Variants in LRRC4C observed in about 807,000 individuals in gnomAD.
LRRC4C encodes leucine-rich repeat-containing protein 4C.
LRRC4C carries 5 observed loss-of-function variants against 33.6 expected under a neutral mutation model. The observed-to-expected ratio is 0.15, with a 90% CI of 0.08 to 0.31. The LOEUF (loss-of-function observed/expected upper bound fraction) is 0.31, where lower values mean the gene tolerates loss of function less well. Ranked by LOEUF, LRRC4C falls within the 10% of genes least tolerant of loss-of-function variation. The probability of loss-of-function intolerance (pLI) is 1.00; values close to 1 mark genes in which losing one functional copy is unlikely to be tolerated. For missense variants in LRRC4C, 560 were observed against 796.7 expected, an observed-to-expected ratio of 0.70 and a Z score of 3.58; for synonymous variants, 329 against 302.0, an observed-to-expected ratio of 1.09 and a Z score of -0.93.
chr11:41,274,709 T>C (rs1949426903), intron 1 of LRRC4C, among the ~76,000 whole-genome samples: 1 of 152,066 alleles, frequency 6.6e-6, no homozygotes, highest in Non-Finnish European at 1.5e-5. Flanking sequence ...CCCTTCCATA[T>C]TGTGGAAGCT....
intron 4 of LRRC4C, among the ~76,000 whole-genome samples, chr11:40,254,887 T>C (rs1390194070): frequency 3.9e-5 from 6 of 152,152 alleles, no homozygotes; most frequent in East Asian, 1.9e-4. Flanking sequence ...TAGCTCACTG[T>C]AACCTAGAAC....
chr11:41,288,190 T>C (rs1197496833), intron 1 of LRRC4C, among the ~76,000 whole-genome samples: 1 of 152,204 alleles, frequency 6.6e-6, no homozygotes, highest in Non-Finnish European at 1.5e-5. Flanking sequence ...CATAGTTCTC[T>C]GAAGAAAACA....
At chr11:40,435,930 T>A (rs192214228) in intron 3 of LRRC4C, among the ~76,000 whole-genome samples, 21 of 152,270 alleles carry the variant, frequency 1.4e-4, no homozygotes, top group Admixed American at 1.2e-3. Context: ...TAGCTGCTAC[T>A]CTTCCCTGCT....
chr11:41,398,004 T>C (rs1311386093), intron 1 of LRRC4C, among the ~76,000 whole-genome samples: 2 of 152,010 alleles, frequency 1.3e-5, no homozygotes, highest in Admixed American at 6.6e-5. Flanking sequence ...AATGCCTCCA[T>C]GCCTCATCTT....
At chr11:40,790,604 C>A (rs1330292654) in intron 2 of LRRC4C, among the ~76,000 whole-genome samples, 1 of 152,186 alleles carries the variant, frequency 6.6e-6, no homozygotes, top group Non-Finnish European at 1.5e-5. Context: ...CCCTTATGAC[C>A]ATTTCAAACA....
intron 3 of LRRC4C, among the ~76,000 whole-genome samples, chr11:40,487,441 C>A (rs1446035002): frequency 6.6e-6 from 1 of 151,974 alleles, no homozygotes; most frequent in Non-Finnish European, 1.5e-5. Flanking sequence ...CTTTGTATGG[C>A]ACAAAGGACT....
At chr11:40,162,890 T>C (rs1859275540) in intron 5 of LRRC4C, among the ~76,000 whole-genome samples, 1 of 152,244 alleles carries the variant, frequency 6.6e-6, no homozygotes, top group Non-Finnish European at 1.5e-5. Context: ...TTTCATGAGA[T>C]AGGATTTAAC....
At chr11:40,153,421 T>A (rs1422643073) in intron 5 of LRRC4C, among the ~76,000 whole-genome samples, 1 of 151,940 alleles carries the variant, frequency 6.6e-6, no homozygotes, top group Non-Finnish European at 1.5e-5. Context: ...TCACCAGCAA[T>A]GGATCCAAAC....
intron 2 of LRRC4C, among the ~76,000 whole-genome samples, chr11:40,797,817 T>A (rs1679141680): frequency 6.6e-6 from 1 of 152,070 alleles, no homozygotes; most frequent in Non-Finnish European, 1.5e-5. Flanking sequence ...GATAAGCTTT[T>A]TGGGAACAGA....
At chr11:41,143,215 A>T (rs1258664603) in intron 1 of LRRC4C, among the ~76,000 whole-genome samples, 5 of 128,920 alleles carry the variant, frequency 3.9e-5, no homozygotes, top group African/African-American at 1.6e-4. Context: ...AATATGATAA[A>T]AGTGAAGCAA....
At chr11:40,429,574 A>AAAAAAC (rs1555056095) in intron 3 of LRRC4C, among the ~76,000 whole-genome samples, 2 of 151,952 alleles carry the variant, frequency 1.3e-5, no homozygotes, top group Admixed American at 1.3e-4. Context: ...ATAATAAAAA[A>AAAAAAC]AAAACAAAAC....
At chr11:41,105,265 T>C (rs988479842) in intron 1 of LRRC4C, among the ~76,000 whole-genome samples, 2 of 151,982 alleles carry the variant, frequency 1.3e-5, no homozygotes, top group Non-Finnish European at 2.9e-5. Flanking sequence ...CATAAATCTT[T>C]CCTTGAAAAA....
intron 1 of LRRC4C, among the ~76,000 whole-genome samples, chr11:41,023,110 A>T (rs945354140): frequency 2.0e-5 from 3 of 151,980 alleles, no homozygotes; most frequent in Non-Finnish European, 4.4e-5. Flanking sequence ...GACATAAGAG[A>T]ACATCACCAA....
intron 1 of LRRC4C, among the ~76,000 whole-genome samples, chr11:41,454,440 T>C (rs1351211961): frequency 1.3e-5 from 2 of 152,112 alleles, no homozygotes; most frequent in Non-Finnish European, 2.9e-5. Context: ...ATCCTTCTAA[T>C]ACTCCCCACA....
At chr11:41,362,327 G>T (rs1384499141) in intron 1 of LRRC4C, among the ~76,000 whole-genome samples, 1 of 152,044 alleles carries the variant, frequency 6.6e-6, no homozygotes, top group African/African-American at 2.4e-5. Context: ...TGGGGCTTGT[G>T]GAGGTTAATA....
In LRRC4C at chr11:41,332,790, C is replaced by A. The variant is rs114721338; in HGVS notation, c.-496+126641G>T. Among the ~76,000 whole-genome samples the A allele has an allele frequency of 9.3e-3, 1,411 of 152,258 alleles. 23 individuals carry two copies. Among genetic ancestry groups the A allele is most frequent in the African/African-American group, 0.032 (1,331 of 41,550 alleles). Reference sequence around the variant, plus strand: ...CAACTTGGGGTTTGCCTCATTCTTGCATCTTTAGCAATTAACCTCAACACA... The same window carrying A: ...CAACTTGGGGTTTGCCTCATTCTTGAATCTTTAGCAATTAACCTCAACACA... On this transcript the variant is annotated intron_variant, in intron 1 of 6. Transcript: ENST00000528697.
At chr11:40,879,504 G>A (rs1002887851) in intron 2 of LRRC4C, among the ~76,000 whole-genome samples, 1 of 152,184 alleles carries the variant, frequency 6.6e-6, no homozygotes, top group East Asian at 1.9e-4. Flanking sequence ...GGGGAAAACA[G>A]AGGGGAAGTC....
chr11:40,480,457 C>A (rs915008235), intron 3 of LRRC4C, among the ~76,000 whole-genome samples: 2 of 151,900 alleles, frequency 1.3e-5, no homozygotes, highest in Admixed American at 1.3e-4. Context: ...AAGAAGGGAA[C>A]AACTAACACC....
intron 2 of LRRC4C, among the ~76,000 whole-genome samples, chr11:40,679,950 C>G (rs1419427220): frequency 3.3e-5 from 5 of 152,156 alleles, no homozygotes; most frequent in African/African-American, 1.2e-4. Context: ...ACACCTGGAA[C>G]AGCCATGGAC....
Sources: gnomAD v4.1 joint callset for allele counts (sites outside exome capture counted in the v4.1 genomes callset) on GRCh38, gnomAD v4.1.1 for gene constraint, MANE v1.5 for transcripts, NCBI Gene and HGNC (gene_info 2026-07-23, HGNC 2026-07-21) for gene names.